The following TM9SF4 variants were observed in gnomAD, a reference collection of about 807,000 sequenced individuals.
TM9SF4 encodes transmembrane 9 superfamily member 4.
Under a neutral mutation model 90.4 loss-of-function variants are expected in TM9SF4, and 26 were observed. That is an observed-to-expected ratio of 0.29 (90% confidence interval 0.21 to 0.40). The LOEUF is 0.40. Among genes scored for constraint, TM9SF4 ranks in the 10% least tolerant of loss-of-function variants. TM9SF4 has a pLI of 1.00. For synonymous variants in TM9SF4, 293 were observed against 315.4 expected (o/e 0.93, Z 0.75); for missense variants, 549 against 834.8 (o/e 0.66, Z 4.22).
intron 1 of TM9SF4, 54 bp downstream of exon 1, chr20:32,109,809 C>G (rs1405457301): frequency 1.2e-5 from 18 of 1,551,046 alleles, no homozygotes; most frequent in Non-Finnish European, 1.6e-5. Context: ...TCCGGGGTAT[C>G]CCAGGATCTT....
intron 13 of TM9SF4, among the ~76,000 whole-genome samples, chr20:32,156,937 A>ATTTTTTTTTTT (rs1244272103): frequency 1.7e-4 from 11 of 63,054 alleles, no homozygotes; most frequent in African/African-American, 8.4e-4. Flanking sequence ...TTTCCTGGAC[A>ATTTTTTTTTTT]TTTTCTTTTT....
chr20:32,162,874 G>T (rs1369367762), intron 17 of TM9SF4, among the ~76,000 whole-genome samples: 1 of 151,992 alleles, frequency 6.6e-6, no homozygotes, highest in African/African-American at 2.4e-5. Flanking sequence ...AAAAAAAAAG[G>T]GAAAAAAAGT....
At chr20:32,146,758 C>G in intron 8 of TM9SF4, 27 bp from the exon 9 acceptor site, 1 of 1,612,724 alleles carries the variant, frequency 6.2e-7, no homozygotes, top group Non-Finnish European at 8.5e-7. Flanking sequence ...GCCAACTTCT[C>G]CTCATCCTCA....
chr20:32,114,119 C>G (rs1276434521), intron 1 of TM9SF4, among the ~76,000 whole-genome samples: 2 of 152,124 alleles, frequency 1.3e-5, no homozygotes, highest in Non-Finnish European at 2.9e-5. Context: ...TGTGAACATT[C>G]AGGTGTAAGT....
At chr20:32,120,464 T>C (rs1011226466) in intron 1 of TM9SF4, among the ~76,000 whole-genome samples, 36 of 151,976 alleles carry the variant, frequency 2.4e-4, no homozygotes, top group African/African-American at 8.2e-4. Context: ...CAATTAATTT[T>C]TCTATATTGA....
chr20:32,154,987 T>G (rs912100397), intron 12 of TM9SF4, 116 bp from the exon 13 acceptor site: 2 of 768,728 alleles, frequency 2.6e-6, no homozygotes, highest in African/African-American at 3.4e-5. Context: ...GGAATGATGC[T>G]TGAGCAGAGT....
chr20:32,136,199 C>A, intron 3 of TM9SF4, 26 bp downstream of exon 3: 1 of 1,605,874 alleles, frequency 6.2e-7, no homozygotes, highest in South Asian at 1.1e-5. Flanking sequence ...ACACTGCTGT[C>A]AACTTGTCCC....
chr20:32,128,257 A>G (rs2122358726), intron 1 of TM9SF4, among the ~76,000 whole-genome samples: 1 of 152,314 alleles, frequency 6.6e-6, no homozygotes, highest in South Asian at 2.1e-4. Context: ...AAAGAGAAAT[A>G]CAGACCACTA....
chr20:32,149,910 C>A, intron 10 of TM9SF4, 144 bp downstream of exon 10: 1 of 1,191,280 alleles, frequency 8.4e-7, no homozygotes, highest in Non-Finnish European at 1.2e-6. Flanking sequence ...CTGGGCCAGA[C>A]AGGCCGTCTA....
At chr20:32,144,939 A>T in intron 6 of TM9SF4, 152 bp from the exon 7 acceptor site, 1 of 681,526 alleles carries the variant, frequency 1.5e-6, no homozygotes, top group Non-Finnish European at 2.6e-6. Flanking sequence ...AAAATGAAAA[A>T]AAACCATTGT....
intron 3 of TM9SF4, 24 bp from the exon 4 acceptor site, chr20:32,141,473 C>T (rs745325591): frequency 2.0e-5 from 33 of 1,612,412 alleles, no homozygotes; most frequent in African/African-American, 1.3e-4. Flanking sequence ...AAGCTCTGAG[C>T]TTGATCTGTC....
At chr20:32,149,375 G>C (rs1278067491) in intron 9 of TM9SF4, among the ~76,000 whole-genome samples, 1 of 152,182 alleles carries the variant, frequency 6.6e-6, no homozygotes, top group African/African-American at 2.4e-5. Flanking sequence ...TTAGTGAGTT[G>C]AGGTATTTAC....
At chr20:32,153,277 C>A (rs1314669775) in intron 12 of TM9SF4, among the ~76,000 whole-genome samples, 1 of 152,198 alleles carries the variant, frequency 6.6e-6, no homozygotes, top group Non-Finnish European at 1.5e-5. Flanking sequence ...CAAAAAGGCC[C>A]AGAGACAGGA....
intron 3 of TM9SF4, among the ~76,000 whole-genome samples, chr20:32,137,370 C>T (rs2046609742): frequency 1.3e-5 from 2 of 152,222 alleles, no homozygotes; most frequent in Non-Finnish European, 1.5e-5. Flanking sequence ...CTTTGGCAAC[C>T]CAAGGCTCTA....
chr20:32,111,431 T>C (rs1419355463), intron 1 of TM9SF4, among the ~76,000 whole-genome samples: 1 of 152,220 alleles, frequency 6.6e-6, no homozygotes, highest in Non-Finnish European at 1.5e-5. Context: ...GCAATACATA[T>C]ATGTGGTACA....
chr20:32,136,278 C>G (rs2046593380), intron 3 of TM9SF4, 105 bp downstream of exon 3: 3 of 1,087,466 alleles, frequency 2.8e-6, no homozygotes, highest in South Asian at 2.9e-5. Flanking sequence ...AGACACTGGT[C>G]TACATTGTTT....
intron 16 of TM9SF4, among the ~76,000 whole-genome samples, chr20:32,160,490 C>T (rs1375967029): frequency 6.6e-6 from 1 of 152,148 alleles, no homozygotes; most frequent in East Asian, 1.9e-4. Flanking sequence ...GATGAACAGT[C>T]CCTCTGGGCT....
chr20:32,122,235 GCGGC>G, intron 1 of TM9SF4, among the ~76,000 whole-genome samples: 1 of 90,188 alleles, frequency 1.1e-5, no homozygotes, highest in Non-Finnish European at 2.5e-5. Flanking sequence ...CCCGGACGGG[GCGGC>G]TGGCCTGGCG....
Position 32,165,619 on chromosome 20 carries a change from C to T in TM9SF4, c.*175C>T, listed in dbSNP as rs532779016. On this transcript the variant is annotated 3_prime_UTR_variant, in exon 18 of 18. Transcript: ENST00000398022. ...GCGGGAGGGCCTGTAGATAATCTTG[C>T]GTTTTTCGTCATCTTATTCCAGTTC... 8.7e-5 allele frequency: 61 copies of T among 703,266 alleles called. 1 individual carries two copies. In the South Asian group the frequency reaches 9.1e-4, roughly 11 times the overall value. 43.6% of individuals were successfully genotyped at this position (703,266 alleles called of 1,614,324 possible).
Sources: allele counts gnomAD v4.1 joint callset (sites outside exome capture counted in the v4.1 genomes callset), GRCh38; gene constraint gnomAD v4.1.1; transcripts MANE v1.5; gene names NCBI Gene and HGNC (gene_info 2026-07-23, HGNC 2026-07-21).